RANBP9: variants seen among roughly 807,000 people sequenced by gnomAD.
The protein encoded by RANBP9 is RAN binding protein 9.
Under a neutral mutation model 84.3 loss-of-function variants are expected in RANBP9, and 15 were observed. The ratio of observed to expected loss-of-function variants is 0.18; its 90% CI spans 0.12 to 0.27. RANBP9 has a LOEUF of 0.27. RANBP9 is among the 10% of genes least tolerant of loss of function. The probability of loss-of-function intolerance (pLI) is 1.00; values close to 1 mark genes in which losing one functional copy is unlikely to be tolerated. For missense variants in RANBP9, 809 were observed against 912.8 expected (o/e 0.89, Z 1.46); for synonymous variants, 392 against 349.6 (o/e 1.12, Z -1.35).
chr6:13,675,786 T>C (rs1765873444), intron 2 of RANBP9, among the ~76,000 whole-genome samples: 1 of 151,362 alleles, frequency 6.6e-6, no homozygotes. Context: ...TAAGAAACTA[T>C]TATTATCAGT....
At chr6:13,633,497 G>A (rs2127762202) in intron 11 of RANBP9, among the ~76,000 whole-genome samples, 1 of 152,248 alleles carries the variant, frequency 6.6e-6, no homozygotes, top group East Asian at 1.9e-4. Flanking sequence ...AATAACTTAT[G>A]AGGTCGTTAT....
chr6:13,704,249 G>T, intron 1 of RANBP9, among the ~76,000 whole-genome samples: 1 of 152,096 alleles, frequency 6.6e-6, no homozygotes, highest in South Asian at 2.1e-4. Context: ...ATGAAGATAT[G>T]AGCCAGTCAC....
intron 5 of RANBP9, among the ~76,000 whole-genome samples, chr6:13,647,409 A>G (rs775768357): frequency 2.0e-5 from 3 of 152,184 alleles, no homozygotes; most frequent in Non-Finnish European, 4.4e-5. Context: ...TGTACATTTT[A>G]TAATTGATCA....
At chr6:13,706,620 G>A (rs1399100920) in intron 1 of RANBP9, among the ~76,000 whole-genome samples, 1 of 151,726 alleles carries the variant, frequency 6.6e-6, no homozygotes, top group African/African-American at 2.4e-5. Flanking sequence ...TTGAACCCGG[G>A]AGGCGGAGGT....
intron 1 of RANBP9, among the ~76,000 whole-genome samples, chr6:13,710,166 G>A (rs77985197): frequency 6.3e-4 from 96 of 152,284 alleles, no homozygotes; most frequent in Non-Finnish European, 1.1e-3. Context: ...TAAGGTTGTT[G>A]TTTTTAACTG....
Position 13,700,666 on chromosome 6 carries a change from T to C in RANBP9, c.572-3770A>G, listed in dbSNP as rs528169508. ...GTTTAATTATTTTTTCCCTGCGTTTTAATTCCTGAACCTCTTTATTCCCGC... is the reference window on the plus strand; with the variant it reads ...GTTTAATTATTTTTTCCCTGCGTTTCAATTCCTGAACCTCTTTATTCCCGC... On this transcript the variant is annotated intron_variant, in intron 1 of 13. Coordinates refer to ENST00000011619, the MANE Select transcript of RANBP9 (RefSeq NM_005493.3). Among the ~76,000 whole-genome samples, 5 of 152,338 alleles carry C rather than the reference T, an allele frequency of 3.3e-5. No homozygotes were observed. In the East Asian group the frequency reaches 9.6e-4, roughly 29 times the overall value.
Position 13,711,244 on chromosome 6 carries a change from G to T in RANBP9, c.262C>A (p.Pro88Thr). 3.1e-6 allele frequency: 3 copies of T among 977,054 alleles called. No homozygotes were observed. The highest frequency in any genetic ancestry group is 3.6e-6 in the Non-Finnish European group (3 of 823,106). 60.5% of individuals were successfully genotyped at this position (977,054 alleles called of 1,614,324 possible). A position where few individuals can be genotyped will look rare whatever the true frequency, so the allele number is the denominator to read the frequency against. ...GCCGCTGAGGCAGGGGGAGGCGGGG[G>T]CGGCGGCGGGGGCGGCGGGGCCGCG... Reference protein sequence around the residue: ...ATAAPPPPPPPPPPPASAAAP... With the variant: ...ATAAPPPPPPTPPPPASAAAP... Residue 88 changes from proline to threonine, a missense_variant, in exon 1 of 14, where the codon CCC becomes ACC. Physicochemically the swap from Pro to Thr is conservative, Grantham distance 38 (BLOSUM62 -1). Coordinates refer to ENST00000011619, the MANE Select transcript of RANBP9 (RefSeq NM_005493.3).
rs769096320 is a variant in RANBP9 at position 13,622,319 on chromosome 6, G to A, written c.*43C>T. 5.6e-6 allele frequency: 8 copies of A among 1,440,584 alleles called. No homozygotes were observed. In the East Asian group the frequency reaches 2.0e-4, roughly 36 times the overall value. 89.2% of individuals were successfully genotyped at this position (1,440,584 alleles called of 1,614,324 possible). On this transcript the variant is annotated 3_prime_UTR_variant, in exon 14 of 14. Coordinates refer to ENST00000011619, the MANE Select transcript of RANBP9 (RefSeq NM_005493.3). Reference sequence around the variant, plus strand: ...AGCAGAGCTGGTCTACTTCCATGTTGACTATATGCCACAATATAAGTGTGA... The same window carrying A: ...AGCAGAGCTGGTCTACTTCCATGTTAACTATATGCCACAATATAAGTGTGA...
At chr6:13,625,060 T>C (rs1237972984) in intron 13 of RANBP9, among the ~76,000 whole-genome samples, 1 of 152,222 alleles carries the variant, frequency 6.6e-6, no homozygotes, top group African/African-American at 2.4e-5. Context: ...TGAGCTTCTC[T>C]GATATTCAAG....
At position 13,711,193 on chromosome 6, in the gene RANBP9, G is replaced by A. The variant is rs1382008461; in HGVS notation, c.313C>T (p.Pro105Ser). The change falls in exon 1 of 14, where the codon CCC becomes TCC. Residue 105 changes from proline (P) to serine (S), a missense_variant. Pro to Ser is a moderately conservative substitution (Grantham distance 74). Around this residue, in one of 5 missense-constraint regions of RANBP9, gnomAD observed 302 missense variants for 240.1 expected, o/e 1.26. Coordinates refer to ENST00000011619, the MANE Select transcript of RANBP9 (RefSeq NM_005493.3). ...AAAPASGPPA[P>S]PGLAAGPGPA... Reference sequence around the variant, plus strand: ...CCGGGGCCCGCTGCAAGGCCCGGGGGAGCGGGCGGCCCGCTGGCGGGGGCA... The same window carrying A: ...CCGGGGCCCGCTGCAAGGCCCGGGGAAGCGGGCGGCCCGCTGGCGGGGGCA... 6.4e-6 allele frequency: 8 copies of A among 1,252,410 alleles called. No homozygotes were observed. The highest frequency in any genetic ancestry group is 8.0e-6 in the Non-Finnish European group (8 of 999,258). The allele number at this position is 1,252,410 out of a possible 1,614,324, so 77.6% of individuals were successfully genotyped here.
At chr6:13,693,851 T>A (rs1766381180) in intron 2 of RANBP9, among the ~76,000 whole-genome samples, 1 of 152,140 alleles carries the variant, frequency 6.6e-6, no homozygotes, top group Non-Finnish European at 1.5e-5. Flanking sequence ...GAGACCAGCC[T>A]GGCCAACATT....
intron 1 of RANBP9, among the ~76,000 whole-genome samples, chr6:13,710,212 C>G (rs1043073541): frequency 8.5e-5 from 13 of 152,122 alleles, no homozygotes; most frequent in Admixed American, 5.9e-4. Flanking sequence ...CTTCAAAATA[C>G]TAAGCTGCAT....
chr6:13,677,480 A>G (rs941789837), intron 2 of RANBP9, among the ~76,000 whole-genome samples: 14 of 152,170 alleles, frequency 9.2e-5, no homozygotes, highest in Admixed American at 8.5e-4. Flanking sequence ...TTTATCTTAC[A>G]AGACCTAAAA....
chr6:13,627,293 A>G (rs1477227867), intron 12 of RANBP9, among the ~76,000 whole-genome samples: 1 of 152,106 alleles, frequency 6.6e-6, no homozygotes, highest in Non-Finnish European at 1.5e-5. Context: ...TGGAAAGAAT[A>G]TATGACCCTT....
At chr6:13,673,245 A>C (rs1765814950) in intron 2 of RANBP9, among the ~76,000 whole-genome samples, 5 of 152,148 alleles carry the variant, frequency 3.3e-5, no homozygotes, top group Admixed American at 2.6e-4. Context: ...AGTGGAGTGA[A>C]ATATTTAAGT....
At chr6:13,646,983 A>G (rs151261217) in intron 5 of RANBP9, among the ~76,000 whole-genome samples, 94 of 152,364 alleles carry the variant, frequency 6.2e-4, no homozygotes, top group African/African-American at 2.2e-3. Flanking sequence ...TTCAAGATTT[A>G]AAAACTTTTG....
intron 2 of RANBP9, among the ~76,000 whole-genome samples, chr6:13,689,273 CT>C (rs774542899): frequency 1.8e-3 from 258 of 142,672 alleles, no homozygotes; most frequent in Non-Finnish European, 1.6e-3. Context: ...ACTTTTTTTC[CT>C]TTTTTTTTTT....
intron 2 of RANBP9, among the ~76,000 whole-genome samples, chr6:13,696,367 A>C (rs2113356800): frequency 6.6e-6 from 1 of 152,310 alleles, no homozygotes; most frequent in Admixed American, 6.5e-5. Flanking sequence ...AGAGCATACA[A>C]ATACACATTT....
intron 2 of RANBP9, among the ~76,000 whole-genome samples, chr6:13,681,462 GTGC>G (rs1766036164): frequency 1.3e-5 from 2 of 152,012 alleles, no homozygotes; most frequent in South Asian, 4.1e-4. Flanking sequence ...GGAAGAAAAG[GTGC>G]TGAAGAGGTT....
Sources: gnomAD v4.1 joint callset for allele counts (sites outside exome capture counted in the v4.1 genomes callset) on GRCh38, gnomAD v4.1.1 for gene constraint, gnomAD v4.1.1 regional missense constraint, MANE v1.5 for transcripts, NCBI Gene and HGNC (gene_info 2026-07-23, HGNC 2026-07-21) for gene names.